The following RUNX1 variants were observed in gnomAD, a reference collection of about 807,000 sequenced individuals.
RUNX1 encodes RUNX family transcription factor 1.
A neutral mutation model predicts 42.8 loss-of-function variants in RUNX1; 19 were observed. The observed-to-expected ratio is 0.44, with a 90% CI of 0.31 to 0.65. The LOEUF is 0.65. Among genes scored for constraint, RUNX1 ranks in the 30% least tolerant of loss-of-function variants. The probability of loss-of-function intolerance (pLI) is 0.07; values close to 1 mark genes in which losing one functional copy is unlikely to be tolerated. For synonymous variants in RUNX1, 271 were observed against 289.4 expected, an observed-to-expected ratio of 0.94 and a Z score of 0.64; for missense variants, 528 against 672.0, an observed-to-expected ratio of 0.79 and a Z score of 2.37.
chr21:35,047,575 T>A (rs1410800162), intron 2 of RUNX1, among the ~76,000 whole-genome samples: 3 of 149,700 alleles, frequency 2.0e-5, no homozygotes, highest in African/African-American at 7.4e-5. Context: ...TCTCTCTCTC[T>A]CTCTCTCTCT....
At chr21:34,928,572 T>C (rs2058414220) in intron 2 of RUNX1, among the ~76,000 whole-genome samples, 1 of 151,520 alleles carries the variant, frequency 6.6e-6, no homozygotes, top group African/African-American at 2.4e-5. Context: ...TGCATGCCTG[T>C]AAGGAGGCTG....
intron 4 of RUNX1, among the ~76,000 whole-genome samples, chr21:34,881,579 G>A (rs967594732): frequency 1.3e-5 from 2 of 152,200 alleles, no homozygotes; most frequent in South Asian, 2.1e-4. Flanking sequence ...GAGTCTCAGC[G>A]TGTGTAAACT....
intron 2 of RUNX1, among the ~76,000 whole-genome samples, chr21:35,002,189 T>C (rs2059049368): frequency 6.6e-6 from 1 of 151,706 alleles, no homozygotes. Flanking sequence ...GCACTTGCTG[T>C]TTCTCCTTCC....
At chr21:34,888,698 G>A in intron 3 of RUNX1, 2 of 1,036,860 alleles carry the variant, frequency 1.9e-6, no homozygotes, top group Non-Finnish European at 2.3e-6. Context: ...ATGAATGAGA[G>A]TGCCTGGAAA....
intron 7 of RUNX1, among the ~76,000 whole-genome samples, chr21:34,827,078 T>C (rs1456077705): frequency 6.6e-6 from 1 of 152,210 alleles, no homozygotes; most frequent in African/African-American, 2.4e-5. Context: ...GGTAGAATGC[T>C]GGTAAAGGCC....
In RUNX1 at chr21:34,879,919, C is replaced by T. The variant is rs7275308; in HGVS notation, c.508+638G>A. 6.1e-3 allele frequency among the ~76,000 whole-genome samples: 931 copies of T among 152,202 alleles called. 16 individuals are homozygous for T. The highest frequency in any genetic ancestry group is 0.022 in the African/African-American group (895 of 41,532). On this transcript the variant is annotated intron_variant, in intron 5 of 8. Transcript: ENST00000675419. ...TAATGCAACAATTTCTTGGATAATC[C>T]AATCTCTAATATTATTAGTATCTAA...
chr21:34,818,774 C>A (rs1476108432), intron 7 of RUNX1, among the ~76,000 whole-genome samples: 1 of 152,196 alleles, frequency 6.6e-6, no homozygotes, highest in East Asian at 1.9e-4. Context: ...GCAGATCATA[C>A]CCTGCCTGTT....
chr21:35,048,755 A>G, intron 2 of RUNX1, 87 bp downstream of exon 2: 1 of 1,113,290 alleles, frequency 9.0e-7, no homozygotes, highest in South Asian at 1.2e-5. Context: ...GCACCGAGGC[A>G]TCTCTGCACC....
At chr21:34,796,234 T>C (rs746549991) in intron 8 of RUNX1, among the ~76,000 whole-genome samples, 2 of 152,258 alleles carry the variant, frequency 1.3e-5, no homozygotes, top group African/African-American at 2.4e-5. Flanking sequence ...TTCTTCTATG[T>C]ACACATGAGC....
chr21:34,883,828 C>G (rs564587242), intron 4 of RUNX1, among the ~76,000 whole-genome samples: 9 of 152,352 alleles, frequency 5.9e-5, no homozygotes, highest in African/African-American at 1.9e-4. Context: ...TCATTTACTT[C>G]AAATCCGTTA....
chr21:34,939,087 A>G (rs1298400551), intron 2 of RUNX1, among the ~76,000 whole-genome samples: 2 of 152,220 alleles, frequency 1.3e-5, no homozygotes, highest in Non-Finnish European at 2.9e-5. Context: ...ATACTCTGCC[A>G]GTATCTGATA....
intron 5 of RUNX1, among the ~76,000 whole-genome samples, chr21:34,864,854 T>C (rs1364583707): frequency 6.6e-6 from 1 of 152,164 alleles, no homozygotes; most frequent in Non-Finnish European, 1.5e-5. Context: ...GAGGTTTGTC[T>C]TGATGTAGGC....
chr21:34,910,448 T>C (rs1479604702), intron 2 of RUNX1, among the ~76,000 whole-genome samples: 1 of 152,190 alleles, frequency 6.6e-6, no homozygotes, highest in Non-Finnish European at 1.5e-5. Context: ...ATGAACTGTC[T>C]TTCTGAAGTC....
chr21:35,040,703 G>A (rs1261402326), intron 2 of RUNX1, among the ~76,000 whole-genome samples: 5 of 150,624 alleles, frequency 3.3e-5, no homozygotes, highest in Non-Finnish European at 4.4e-5. Flanking sequence ...CGTGGGAGGC[G>A]GAGATTGCAG....
intron 2 of RUNX1, among the ~76,000 whole-genome samples, chr21:34,977,152 TTC>T (rs1316192609): frequency 6.6e-6 from 1 of 152,234 alleles, no homozygotes; most frequent in Non-Finnish European, 1.5e-5. Context: ...TTGTGTGAAT[TTC>T]TGTTTAATCA....
chr21:34,956,857 C>T (rs1318924211), intron 2 of RUNX1, among the ~76,000 whole-genome samples: 1 of 152,200 alleles, frequency 6.6e-6, no homozygotes, highest in Non-Finnish European at 1.5e-5. Context: ...TCAAAGCTTA[C>T]AAAATTACTT....
intron 2 of RUNX1, among the ~76,000 whole-genome samples, chr21:34,999,415 C>A (rs1416933467): frequency 3.9e-5 from 6 of 152,310 alleles, no homozygotes; most frequent in Admixed American, 3.3e-4. Flanking sequence ...ATGGAGCCCC[C>A]ACAGCTGAGG....
At position 34,804,742 on chromosome 21, in the gene RUNX1, CTT is replaced by C. The variant is rs58321227; in HGVS notation, c.806-5282_806-5281del. Among the ~76,000 whole-genome samples, 959 of 132,618 alleles carry C rather than the reference CTT, an allele frequency of 7.2e-3. 13 individuals are homozygous for C. Among genetic ancestry groups the C allele is most frequent in the African/African-American group, 0.025 (874 of 35,522 alleles). 87.0% of individuals were successfully genotyped at this position (132,618 alleles called of 152,430 possible). On this transcript the variant is annotated intron_variant, in intron 7 of 8. Transcript: ENST00000675419. ...GATGATGTAGGCAGGGAGATGGAAA[CTT>C]TTTTTTTTTTTTTTTTGAGACAGTG...
At chr21:34,876,926 G>A (rs147144504) in intron 5 of RUNX1, among the ~76,000 whole-genome samples, 6 of 152,082 alleles carry the variant, frequency 3.9e-5, no homozygotes, top group Middle Eastern at 3.4e-3. Context: ...GCGCAACCTC[G>A]GCTCACTGCA....
Sources: allele counts gnomAD v4.1 joint callset (sites outside exome capture counted in the v4.1 genomes callset), GRCh38; gene constraint gnomAD v4.1.1; transcripts MANE v1.5; gene names NCBI Gene and HGNC (gene_info 2026-07-23, HGNC 2026-07-21).